GALNT13: variants seen among roughly 807,000 people sequenced by gnomAD.
GALNT13 encodes polypeptide N-acetylgalactosaminyltransferase 13.
A neutral mutation model predicts 64.2 loss-of-function variants in GALNT13; 28 were observed. The observed-to-expected ratio is 0.44, with a 90% CI of 0.32 to 0.60. The LOEUF is 0.60. GALNT13 is among the 20% of genes least tolerant of loss of function. The pLI is 0.05. For synonymous variants in GALNT13, 214 were observed against 224.6 expected (o/e 0.95, Z 0.42); for missense variants, 577 against 669.8 (o/e 0.86, Z 1.53).
intron 8 of GALNT13, among the ~76,000 whole-genome samples, chr2:154,267,635 G>A (rs778268820): frequency 1.3e-5 from 2 of 152,018 alleles, no homozygotes; most frequent in African/African-American, 4.8e-5. Flanking sequence ...GTGAGACTTC[G>A]TCTCAAAAAC....
chr2:154,053,066 T>G (rs2105350887), intron 3 of GALNT13, among the ~76,000 whole-genome samples: 1 of 152,238 alleles, frequency 6.6e-6, no homozygotes, highest in South Asian at 2.1e-4. Flanking sequence ...TGGTTATCAC[T>G]TTTTCCTTTA....
intron 4 of GALNT13, among the ~76,000 whole-genome samples, chr2:154,149,931 C>T (rs1683878043): frequency 6.6e-6 from 1 of 152,112 alleles, no homozygotes; most frequent in Non-Finnish European, 1.5e-5. Flanking sequence ...CCTTCTCCTG[C>T]CTGATTTCCC....
At chr2:153,551,650 T>G in the GALNT13 span, among the ~76,000 whole-genome samples, 1 of 152,134 alleles carries the variant, frequency 6.6e-6, no homozygotes, top group Non-Finnish European at 1.5e-5. Context: ...TAACTTTAAA[T>G]TTTGTGGGGC....
the GALNT13 span, among the ~76,000 whole-genome samples, chr2:153,283,023 G>A: frequency 2.6e-5 from 4 of 152,206 alleles, no homozygotes; most frequent in Non-Finnish European, 1.5e-5. Flanking sequence ...AACAGCTGCA[G>A]CCAATGCAGG....
At chr2:154,145,090 ATCTATCTATC>A (rs1470338467) in intron 4 of GALNT13, among the ~76,000 whole-genome samples, 1,535 of 120,416 alleles carry the variant, frequency 0.013, 31 homozygotes, top group African/African-American at 0.041. Context: ...CTATCTATCT[ATCTATCTATC>A]TATATATATA....
chr2:153,072,663 C>A, the GALNT13 span, among the ~76,000 whole-genome samples: 1 of 152,140 alleles, frequency 6.6e-6, no homozygotes, highest in Non-Finnish European at 1.5e-5. Context: ...CCCAGCCTAC[C>A]TCTCCAATTT....
the GALNT13 span, among the ~76,000 whole-genome samples, chr2:153,312,284 T>TATTAA: frequency 6.6e-6 from 1 of 152,190 alleles, no homozygotes; most frequent in African/African-American, 2.4e-5. Context: ...GTTAGCTCTG[T>TATTAA]GGAGTTGAAT....
At chr2:154,373,684 T>A (rs1230229906) in intron 9 of GALNT13, among the ~76,000 whole-genome samples, 1 of 152,166 alleles carries the variant, frequency 6.6e-6, no homozygotes, top group Non-Finnish European at 1.5e-5. Flanking sequence ...TTTACTTACA[T>A]CATCATTAAG....
the GALNT13 span, among the ~76,000 whole-genome samples, chr2:153,462,332 T>C: frequency 6.6e-6 from 1 of 152,146 alleles, no homozygotes; most frequent in Non-Finnish European, 1.5e-5. Context: ...AAATTTAAAA[T>C]TATTTGATCA....
the GALNT13 span, among the ~76,000 whole-genome samples, chr2:153,179,813 CTTGAT>C: frequency 1.3e-5 from 2 of 151,960 alleles, no homozygotes; most frequent in African/African-American, 4.8e-5. Flanking sequence ...AGACTGTTCT[CTTGAT>C]TTGTTTTTCA....
chr2:154,217,406 T>G (rs1177157860), intron 4 of GALNT13, among the ~76,000 whole-genome samples: 5 of 152,140 alleles, frequency 3.3e-5, no homozygotes, highest in African/African-American at 1.2e-4. Context: ...GAAAATAAAA[T>G]TGTGTAAATT....
chr2:153,854,503 C>A, the GALNT13 span, among the ~76,000 whole-genome samples: 1 of 151,938 alleles, frequency 6.6e-6, no homozygotes. Flanking sequence ...ATCACTTGAA[C>A]CCGGGAGGTG....
intron 4 of GALNT13, among the ~76,000 whole-genome samples, chr2:154,166,842 C>G (rs1351362256): frequency 6.6e-6 from 1 of 152,084 alleles, no homozygotes; most frequent in Non-Finnish European, 1.5e-5. Context: ...ATAGATGAAG[C>G]TGGAAACCAT....
the GALNT13 span, among the ~76,000 whole-genome samples, chr2:153,616,650 G>A: frequency 6.6e-6 from 1 of 151,312 alleles, no homozygotes; most frequent in Non-Finnish European, 1.5e-5. Context: ...TTTCTTCTTT[G>A]GTTAATTTCT....
the GALNT13 span, among the ~76,000 whole-genome samples, chr2:153,638,640 C>G: frequency 1.3e-5 from 2 of 151,642 alleles, 1 homozygote; most frequent in East Asian, 3.9e-4. Context: ...TCCATAGCAA[C>G]AAGAGCCAAG....
At chr2:153,338,147 G>T in the GALNT13 span, among the ~76,000 whole-genome samples, 1 of 151,912 alleles carries the variant, frequency 6.6e-6, no homozygotes, top group African/African-American at 2.4e-5. Flanking sequence ...AAAAAAATTA[G>T]CCAGTCATGG....
In GALNT13 at chr2:154,387,271, C is replaced by A. The variant is rs1351970262; in HGVS notation, c.1157-8720C>A. On this transcript the variant is annotated intron_variant, in intron 9 of 12. Coordinates refer to ENST00000392825, the MANE Select transcript of GALNT13 (RefSeq NM_052917.4). Reference sequence around the variant, plus strand: ...AATCGCCTAAACCTCTGAAACAATACAGTATCATTTATGTACTTACAGGCT... The same window carrying A: ...AATCGCCTAAACCTCTGAAACAATAAAGTATCATTTATGTACTTACAGGCT... Among the ~76,000 whole-genome samples the A allele has an allele frequency of 2.0e-5, 3 of 151,160 alleles. No homozygotes were observed. In the East Asian group the frequency reaches 5.8e-4, roughly 29 times the overall value.
chr2:153,437,145 T>A, the GALNT13 span, among the ~76,000 whole-genome samples: 2 of 152,110 alleles, frequency 1.3e-5, no homozygotes, highest in Non-Finnish European at 2.9e-5. Context: ...TTTGAGTGAG[T>A]TTCTTAATCC....
the GALNT13 span, among the ~76,000 whole-genome samples, chr2:153,440,660 G>T: frequency 1.3e-5 from 2 of 152,088 alleles, no homozygotes; most frequent in African/African-American, 4.8e-5. Context: ...GCATGAGATG[G>T]TATCTCATTG....
Sources: allele counts gnomAD v4.1 joint callset (sites outside exome capture counted in the v4.1 genomes callset), GRCh38; gene constraint gnomAD v4.1.1; transcripts MANE v1.5; gene names NCBI Gene and HGNC (gene_info 2026-07-23, HGNC 2026-07-21).